PRKG1: variants seen among roughly 807,000 people sequenced by gnomAD.
The protein encoded by PRKG1 is cGMP-dependent protein kinase 1.
Under a neutral mutation model 88.1 loss-of-function variants are expected in PRKG1, and 35 were observed. The ratio of observed to expected loss-of-function variants is 0.40; its 90% CI spans 0.30 to 0.53. The LOEUF (loss-of-function observed/expected upper bound fraction) is 0.53. Among genes scored for constraint, PRKG1 ranks in the 20% least tolerant of loss-of-function variants. The pLI is 0.59. For synonymous variants in PRKG1, 303 were observed against 292.5 expected, an observed-to-expected ratio of 1.04 and a Z score of -0.37; for missense variants, 540 against 839.8, an observed-to-expected ratio of 0.64 and a Z score of 4.41.
At chr10:51,881,700 C>A (rs529681642) in intron 4 of PRKG1, among the ~76,000 whole-genome samples, 2 of 152,006 alleles carry the variant, frequency 1.3e-5, no homozygotes, top group East Asian at 3.9e-4. Context: ...CTTTAGACAG[C>A]GGAAGGAAAA....
At chr10:51,169,741 C>T (rs1846649368) in intron 2 of PRKG1, among the ~76,000 whole-genome samples, 1 of 141,812 alleles carries the variant, frequency 7.1e-6, no homozygotes, top group Non-Finnish European at 1.5e-5. Flanking sequence ...TCTGATTCTG[C>T]CATATAACCA....
intron 9 of PRKG1, among the ~76,000 whole-genome samples, chr10:52,233,363 C>G (rs569363650): frequency 6.6e-6 from 1 of 150,472 alleles, no homozygotes; most frequent in African/African-American, 2.4e-5. Context: ...GCGTGAGCGA[C>G]GCAGAAGACG....
At chr10:51,708,832 C>A (rs1245151337) in intron 3 of PRKG1, among the ~76,000 whole-genome samples, 1 of 152,154 alleles carries the variant, frequency 6.6e-6, no homozygotes, top group Non-Finnish European at 1.5e-5. Flanking sequence ...CTTTACCTTC[C>A]AGGTCATGGA....
chr10:51,803,514 G>A (rs1339950037), intron 3 of PRKG1, among the ~76,000 whole-genome samples: 5 of 152,088 alleles, frequency 3.3e-5, no homozygotes, highest in Non-Finnish European at 7.4e-5. Context: ...GCACACACAT[G>A]TCCTAATTCC....
In PRKG1 at chr10:51,296,530, C is replaced by T. The variant is rs540529000; in HGVS notation, c.478+143200C>T. The stretch of plus-strand genomic sequence containing the variant: ...TCTGAGGCATCCATTGTAATATCTT[C>T]TCTTTGATTTCTGATTTTATTTATT... On this transcript the variant is annotated intron_variant, in intron 2 of 17. Transcript: ENST00000373980. Among the ~76,000 whole-genome samples, 308 of 152,088 alleles carry T rather than the reference C, an allele frequency of 2.0e-3. 1 individual carries two copies. Among genetic ancestry groups the T allele is most frequent in the Non-Finnish European group, 3.4e-3 (230 of 67,952 alleles).
At chr10:51,007,549 A>G (rs1219783358) in intron 1 of PRKG1, among the ~76,000 whole-genome samples, 1 of 152,236 alleles carries the variant, frequency 6.6e-6, no homozygotes, top group Non-Finnish European at 1.5e-5. Flanking sequence ...GCTGTAGAAT[A>G]TAAAGGCTAA....
intron 2 of PRKG1, among the ~76,000 whole-genome samples, chr10:51,464,890 C>CAAAAA (rs11316369): frequency 1.4e-4 from 12 of 88,160 alleles, no homozygotes; most frequent in Non-Finnish European, 1.9e-4. Flanking sequence ...GACTCCGTCT[C>CAAAAA]AAAAAAAAAA....
At chr10:52,170,263 A>C (rs1838628437) in intron 9 of PRKG1, among the ~76,000 whole-genome samples, 1 of 152,190 alleles carries the variant, frequency 6.6e-6, no homozygotes, top group East Asian at 1.9e-4. Flanking sequence ...CCCACCTTGT[A>C]ATGACCATCT....
intron 5 of PRKG1, among the ~76,000 whole-genome samples, chr10:51,987,709 G>A (rs1844199114): frequency 6.6e-6 from 1 of 151,960 alleles, no homozygotes; most frequent in African/African-American, 2.4e-5. Flanking sequence ...TCGCTCTAAA[G>A]AAATTTCATT....
chr10:51,557,201 A>G (rs1216726921), intron 3 of PRKG1, among the ~76,000 whole-genome samples: 8 of 152,006 alleles, frequency 5.3e-5, no homozygotes, highest in African/African-American at 1.9e-4. Flanking sequence ...GAAACTCTGT[A>G]ATATCTCTAA....
chr10:51,170,041 G>A (rs1427132563), intron 2 of PRKG1, among the ~76,000 whole-genome samples: 4 of 151,982 alleles, frequency 2.6e-5, no homozygotes, highest in African/African-American at 9.7e-5. Context: ...CTTCTAAGAA[G>A]TCTGCTTTGA....
intron 7 of PRKG1, among the ~76,000 whole-genome samples, chr10:52,102,991 C>T (rs1847331625): frequency 6.6e-6 from 1 of 152,168 alleles, no homozygotes; most frequent in African/African-American, 2.4e-5. Context: ...GGTGAGTGAG[C>T]ATTACTGCTT....
intron 5 of PRKG1, among the ~76,000 whole-genome samples, chr10:51,950,805 G>T (rs573426408): frequency 6.6e-6 from 1 of 152,244 alleles, no homozygotes; most frequent in Non-Finnish European, 1.5e-5. Context: ...GGGTACCTGC[G>T]CTCAGTGTGG....
At chr10:51,413,285 CA>C (rs1484581790) in intron 2 of PRKG1, among the ~76,000 whole-genome samples, 3 of 152,026 alleles carry the variant, frequency 2.0e-5, no homozygotes, top group Non-Finnish European at 2.9e-5. Flanking sequence ...AACACTAACA[CA>C]AGTGGGAAGA....
intron 2 of PRKG1, among the ~76,000 whole-genome samples, chr10:51,247,958 T>C (rs1839335388): frequency 6.6e-6 from 1 of 151,960 alleles, no homozygotes; most frequent in African/African-American, 2.4e-5. Context: ...AGTTTGTGTC[T>C]GCCTGCTTAC....
chr10:51,423,748 G>C (rs900158858), intron 2 of PRKG1, among the ~76,000 whole-genome samples: 1 of 152,110 alleles, frequency 6.6e-6, no homozygotes, highest in Non-Finnish European at 1.5e-5. Flanking sequence ...GGAAGGCTAA[G>C]ATGAATATTT....
At chr10:51,330,500 T>C (rs760789865) in intron 2 of PRKG1, among the ~76,000 whole-genome samples, 62 of 152,218 alleles carry the variant, frequency 4.1e-4, no homozygotes, top group Non-Finnish European at 6.8e-4. Context: ...CTAGAAATAT[T>C]ACAAGAATTT....
At chr10:51,893,976 G>A (rs1011674348) in intron 4 of PRKG1, among the ~76,000 whole-genome samples, 1 of 152,276 alleles carries the variant, frequency 6.6e-6, no homozygotes, top group East Asian at 1.9e-4. Flanking sequence ...ACAAGTGTAA[G>A]TGCTATTCAG....
chr10:52,255,114 A>G (rs1367543647), intron 10 of PRKG1, among the ~76,000 whole-genome samples: 2 of 152,108 alleles, frequency 1.3e-5, no homozygotes, highest in Non-Finnish European at 2.9e-5. Context: ...CCAGGAGAAC[A>G]CATTCCATTT....
Sources: gnomAD v4.1 joint callset for allele counts (sites outside exome capture counted in the v4.1 genomes callset) on GRCh38, gnomAD v4.1.1 for gene constraint, MANE v1.5 for transcripts, NCBI Gene and HGNC (gene_info 2026-07-23, HGNC 2026-07-21) for gene names.